The following DFFA variants were observed in gnomAD, a reference collection of about 807,000 sequenced individuals.
DFFA encodes DNA fragmentation factor subunit alpha, also known as DFF45.
In DFFA, 14 loss-of-function variants were observed where a neutral mutation model predicts 28.0. That is an observed-to-expected ratio of 0.50 (90% CI 0.33 to 0.78). The LOEUF is 0.78. DFFA is among the 30% of genes least tolerant of loss of function. DFFA has a pLI of 0.02. For synonymous variants in DFFA, 158 were observed against 170.3 expected, an observed-to-expected ratio of 0.93 and a Z score of 0.56; for missense variants, 395 against 407.1, an observed-to-expected ratio of 0.97 and a Z score of 0.26.
Position 10,463,466 on chromosome 1 carries a change from A to G in DFFA, c.596T>C (p.Leu199Ser). Residue 199 changes from leucine (L) to serine (S), a missense_variant, in exon 4 of 6, where the codon TTG (leucine) becomes TCG (serine). Coordinates refer to ENST00000377038, the MANE Select transcript of DFFA (RefSeq NM_004401.3). ...TGACAAGAGGCTGCCCTCTTTCTCCAAAGCCTGGAGGTACAGCTGCAGGAG... is the reference window on the plus strand; with the variant it reads ...TGACAAGAGGCTGCCCTCTTTCTCCGAAGCCTGGAGGTACAGCTGCAGGAG... ...KQLLQLYLQA[L>S]EKEGSLLSKQ... is the part of the protein sequence containing the mutation. 6.2e-7 allele frequency: 1 copy of G among 1,613,874 alleles called. No homozygotes were observed.
At position 10,461,988 on chromosome 1, in the gene DFFA, G is replaced by A. The variant is rs183230038; in HGVS notation, c.784-286C>T. The A allele has an allele frequency of 2.5e-3, 994 of 400,330 alleles. 16 individuals carry two copies. Among genetic ancestry groups the A allele is most frequent in the African/African-American group, 0.02 (931 of 46,052 alleles). 24.8% of individuals were successfully genotyped at this position (400,330 alleles called of 1,614,324 possible). On this transcript the variant is annotated intron_variant, in intron 5 of 5. Coordinates refer to ENST00000377038, the MANE Select transcript of DFFA (RefSeq NM_004401.3). ...TCCTGCCTCAGCCCCCTGAGTAGCT[G>A]GGACTACAGGTGCCCACGACCACGC...
At chr1:10,463,036 A>T (rs763140152) in intron 5 of DFFA, 22 bp downstream of exon 5, 4 of 1,614,056 alleles carry the variant, frequency 2.5e-6, no homozygotes, top group Non-Finnish European at 3.4e-6. Flanking sequence ...TCTGTAGCTC[A>T]GTGACCCTGG....
chr1:10,463,427 C>T lies in DFFA; in HGVS notation c.631+4G>A. ...AGAGTGACTCTGCCTGCAGAGAGTC[C>T]TACCTTCCTGCTTTGACAAGAGGCT... On this transcript the variant is annotated splice_donor_region_variant and intron_variant, in intron 4 of 5. Coordinates refer to ENST00000377038, the MANE Select transcript of DFFA (RefSeq NM_004401.3). 1 of 1,608,258 alleles carries T rather than the reference C, an allele frequency of 6.2e-7. No homozygotes were observed. The highest frequency in any genetic ancestry group is 1.3e-5 in the African/African-American group (1 of 74,990).
intron 3 of DFFA, among the ~76,000 whole-genome samples, chr1:10,464,007 T>C (rs970114053): frequency 1.3e-5 from 2 of 151,810 alleles, no homozygotes; most frequent in Non-Finnish European, 2.9e-5. Context: ...CTCAAATACA[T>C]CCATTTCAGA....
chr1:10,469,042 T>C (rs972813796), intron 2 of DFFA, 135 bp downstream of exon 2: 1 of 942,394 alleles, frequency 1.1e-6, no homozygotes, highest in East Asian at 2.5e-5. Context: ...GTCTGGCACA[T>C]AGAAAGTGCT....
At chr1:10,462,958 C>G (rs1203364030) in intron 5 of DFFA, 100 bp downstream of exon 5, 1 of 1,568,444 alleles carries the variant, frequency 6.4e-7, no homozygotes, top group Non-Finnish European at 8.7e-7. Context: ...GATTCACAGT[C>G]TGCAGAGGTG....
intron 5 of DFFA, chr1:10,462,585 A>G: frequency 1.0e-6 from 1 of 997,880 alleles, no homozygotes; most frequent in Non-Finnish European, 1.2e-6. Flanking sequence ...TACTTATGAC[A>G]GGGACAAGGA....
rs1260973301 is a variant in DFFA, at chr1:10,472,376, C to T, written c.83G>A (p.Ser28Asn). The T allele has an allele frequency of 1.2e-6, 2 of 1,612,478 alleles. No individual in the cohort carries two copies. The highest frequency in any genetic ancestry group is 1.7e-6 in the Non-Finnish European group (2 of 1,179,228). Residue 28 changes from serine (S) to asparagine (N), a missense_variant, in exon 1 of 6, where the codon AGC becomes AAC. Physicochemically the swap from Ser to Asn is conservative, Grantham distance 46. Coordinates refer to ENST00000377038, the MANE Select transcript of DFFA (RefSeq NM_004401.3). The surrounding 1 kb of genome is among the most constrained non-coding windows in gnomAD (Gnocchi z 5.0). Reference protein sequence around the residue: ...LKPCLLRRNYSREQHGVAASC... With the variant: ...LKPCLLRRNYNREQHGVAASC... ...GGCGGCCACGCCGTGCTGTTCGCGGCTGTAGTTGCGGCGCAGCAGACACGG... is the reference window on the plus strand; with the variant it reads ...GGCGGCCACGCCGTGCTGTTCGCGGTTGTAGTTGCGGCGCAGCAGACACGG...
chr1:10,462,559 A>G (rs1265642070), intron 5 of DFFA: 2 of 991,664 alleles, frequency 2.0e-6, no homozygotes, highest in Middle Eastern at 5.2e-4. Context: ...CTTCCCTTCT[A>G]TCTACAATAG....
rs1363114929 is a variant in DFFA, at chr1:10,463,079, G to A, written c.762C>T (p.Ser254=). Residue 254 remains serine (S), a synonymous_variant, in exon 5 of 6, where the codon AGC becomes AGT. Transcript: ENST00000377038. ...CCACCTCCAAATCCTGACTAGATAA[G>A]CTCAGCTCTGGAGCCTGCTTCTCCC... The part of the protein sequence containing the change: ...ALREKQAPEL[S]LSSQDLELVT... 6.2e-7 allele frequency: 1 copy of A among 1,614,128 alleles called. No individual in the cohort carries two copies. The highest frequency in any genetic ancestry group is 1.1e-5 in the South Asian group (1 of 91,084).
rs1226763125 is a variant in DFFA at position 10,460,053 on chromosome 1, T to C, written c.*1437A>G. 1 of 151,882 alleles carries C rather than the reference T, an allele frequency of 6.6e-6. No homozygotes were observed. The highest frequency in any genetic ancestry group is 2.0e-4 in the East Asian group (1 of 5,094). 9.4% of individuals were successfully genotyped at this position (151,882 alleles called of 1,614,324 possible). A position where few individuals can be genotyped will look rare whatever the true frequency, so the allele number is the denominator to read the frequency against. On this transcript the variant is annotated 3_prime_UTR_variant, in exon 6 of 6. Transcript: ENST00000377038. Reference sequence around the variant, plus strand: ...TGAGGTCAGGAGTTTGAGACCAGCCTGGCCAATGTGACAAAACCCTGTCTC... The same window carrying C: ...TGAGGTCAGGAGTTTGAGACCAGCCCGGCCAATGTGACAAAACCCTGTCTC...
At chr1:10,462,594 G>A in intron 5 of DFFA, 1 of 1,003,846 alleles carries the variant, frequency 1.0e-6, no homozygotes, top group Non-Finnish European at 1.2e-6. Context: ...CAGGGACAAG[G>A]ACAATGAATC....
chr1:10,467,249 C>A lies in DFFA; in HGVS notation c.382G>T (p.Ala128Ser), dbSNP rs867937510. 1 of 1,614,112 alleles carries A rather than the reference C, an allele frequency of 6.2e-7. No homozygotes were observed. Among genetic ancestry groups the A allele is most frequent in the Non-Finnish European group, 8.5e-7 (1 of 1,180,014 alleles). ...GACAGATCTTCTTTCAGCTGCCTGG[C>A]CACATTCTTCCACTTCAACCCTGCC... is the stretch of plus-strand genomic sequence containing the variant. The part of the protein sequence containing the change: ...SGAGLKWKNV[A>S]RQLKEDLSSI... Residue 128 changes from alanine to serine, a missense_variant, in exon 3 of 6, where the codon GCC (alanine) becomes TCC (serine). Ala to Ser is a moderately conservative substitution (Grantham distance 99). Transcript: ENST00000377038.
rs11578972 is a variant in DFFA at position 10,461,885 on chromosome 1, C to T, written c.784-183G>A. ...CTTTTTGTTTTTTGAGACGGAGTCT[C>T]GCTCTGTCACCCAGGCTGGAGTGCA... On this transcript the variant is annotated intron_variant, in intron 5 of 5. Coordinates refer to ENST00000377038, the MANE Select transcript of DFFA (RefSeq NM_004401.3). The T allele has an allele frequency of 3.1e-5, 31 of 984,448 alleles. No homozygotes were observed. The East Asian group carries it at 4.5e-4, about 14-fold the overall frequency. 61.0% of individuals were successfully genotyped at this position (984,448 alleles called of 1,614,324 possible).
chr1:10,469,942 A>C (rs962550063), intron 1 of DFFA, among the ~76,000 whole-genome samples: 1 of 150,822 alleles, frequency 6.6e-6, no homozygotes, highest in East Asian at 2.0e-4. Flanking sequence ...TAGTCTCCCG[A>C]GTAGCTGGGA....
At chr1:10,461,822 T>C in intron 5 of DFFA, 120 bp from the exon 6 acceptor site, 1 of 1,483,456 alleles carries the variant, frequency 6.7e-7, no homozygotes, top group South Asian at 1.4e-5. Flanking sequence ...CTCTTTACAC[T>C]GAAATGCCGG....
chr1:10,465,638 G>A lies in DFFA; in HGVS notation c.441+1552C>T, dbSNP rs1307419356. 3.3e-5 allele frequency among the ~76,000 whole-genome samples: 5 copies of A among 151,856 alleles called. No homozygotes were observed. The East Asian group carries it at 5.8e-4, about 18-fold the overall frequency. On this transcript the variant is annotated intron_variant, in intron 3 of 5. Coordinates refer to ENST00000377038, the MANE Select transcript of DFFA (RefSeq NM_004401.3). ...GATCTCTTGACATCGTGATCTGCCC[G>A]CCCCGGCCTCCCAAAGTTCTAGGAT... is the stretch of plus-strand genomic sequence containing the variant.
Position 10,460,071 on chromosome 1 carries a change from C to G in DFFA, c.*1419G>C, listed in dbSNP as rs1557790710. ...ACCAGCCTGGCCAATGTGACAAAAC[C>G]CTGTCTCTACTAAAAATACAAAAAT... On this transcript the variant is annotated 3_prime_UTR_variant, in exon 6 of 6. Transcript: ENST00000377038. The G allele has an allele frequency of 6.6e-6, 1 of 151,724 alleles. No individual in the cohort carries two copies. Among genetic ancestry groups the G allele is most frequent in the Non-Finnish European group, 1.5e-5 (1 of 67,988 alleles). 9.4% of individuals were successfully genotyped at this position (151,724 alleles called of 1,614,324 possible).
At position 10,460,459 on chromosome 1, in the gene DFFA, C is replaced by T. The variant is rs1266634202; in HGVS notation, c.*1031G>A. On this transcript the variant is annotated 3_prime_UTR_variant, in exon 6 of 6. Coordinates refer to ENST00000377038, the MANE Select transcript of DFFA (RefSeq NM_004401.3). Reference sequence around the variant, plus strand: ...GGCCAGGTTGGTCTTGAACTCCTGACCTCATGTGATCCGCCTGCATCGGCC... The same window carrying T: ...GGCCAGGTTGGTCTTGAACTCCTGATCTCATGTGATCCGCCTGCATCGGCC... The T allele has an allele frequency of 6.6e-6, 1 of 150,902 alleles. No homozygotes were observed. The highest frequency in any genetic ancestry group is 1.5e-5 in the Non-Finnish European group (1 of 67,940). 9.3% of individuals were successfully genotyped at this position (150,902 alleles called of 1,614,324 possible). A position where few individuals can be genotyped will look rare whatever the true frequency, so the allele number is the denominator to read the frequency against.
Sources: allele counts gnomAD v4.1 joint callset (sites outside exome capture counted in the v4.1 genomes callset), GRCh38; gene constraint gnomAD v4.1.1; non-coding constraint Gnocchi (gnomAD v3.1); transcripts MANE v1.5; gene names NCBI Gene and HGNC (gene_info 2026-07-23, HGNC 2026-07-21).